The following PLXNB2 variants were observed in gnomAD, a reference collection of about 807,000 sequenced individuals.
The protein encoded by PLXNB2 is plexin B2, also known as plexin-B2.
Under a neutral mutation model 202.6 loss-of-function variants are expected in PLXNB2, and 85 were observed. The ratio of observed to expected loss-of-function variants is 0.42; its 90% CI spans 0.35 to 0.50. The LOEUF is 0.50. Ranked by LOEUF, PLXNB2 falls within the 20% of genes least tolerant of loss-of-function variation. PLXNB2 has a pLI of 0.02. For synonymous variants in PLXNB2, 1,239 were observed against 1,137.6 expected (o/e 1.09, Z -1.79); for missense variants, 2,063 against 2,586.2 (o/e 0.80, Z 4.39).
intron 1 of PLXNB2, 57 bp downstream of exon 1, chr22:50,307,496 A>C: frequency 1.1e-6 from 1 of 891,670 alleles, no homozygotes; most frequent in Non-Finnish European, 1.3e-6. Flanking sequence ...CTGACGGCGA[A>C]GCCCCCCCCA....
At chr22:50,296,191 A>ACT in intron 1 of PLXNB2, among the ~76,000 whole-genome samples, 1 of 66,010 alleles carries the variant, frequency 1.5e-5, no homozygotes, top group East Asian at 4.1e-4. Context: ...TGTCTCAAAA[A>ACT]ATACACACAC....
intron 11 of PLXNB2, among the ~76,000 whole-genome samples, chr22:50,285,127 G>A (rs1367967132): frequency 6.6e-6 from 1 of 152,084 alleles, no homozygotes; most frequent in Non-Finnish European, 1.5e-5. Context: ...GGGCACGGGT[G>A]GAGCTCAGGC....
In PLXNB2 at chr22:50,282,692, G is replaced by T. The variant is rs528477713; in HGVS notation, c.2987+19C>A. 3 of 1,563,128 alleles carry T rather than the reference G, an allele frequency of 1.9e-6. No homozygotes were observed. The highest frequency in any genetic ancestry group is 2.6e-6 in the Non-Finnish European group (3 of 1,144,784). ...CTGGGTGTGGGGAGCAGAGGGGGGC[G>T]GGGGGACACCAGCCTCACCTGGCAA... On this transcript the variant is annotated intron_variant, in intron 18 of 36. Coordinates refer to ENST00000359337, the MANE Select transcript of PLXNB2 (RefSeq NM_012401.4).
chr22:50,305,284 TCTG>T (rs2067844655), intron 1 of PLXNB2, among the ~76,000 whole-genome samples: 1 of 152,140 alleles, frequency 6.6e-6, no homozygotes, highest in Non-Finnish European at 1.5e-5. Flanking sequence ...TCCAATCTCT[TCTG>T]CTCCACTTCC....
chr22:50,295,249 C>T (rs28483439), intron 1 of PLXNB2, among the ~76,000 whole-genome samples: 1 of 148,168 alleles, frequency 6.7e-6, no homozygotes, highest in South Asian at 2.1e-4. Flanking sequence ...TGAACCCGGC[C>T]GATGGAACTT....
chr22:50,279,101 C>T (rs2065813438), intron 27 of PLXNB2, 90 bp from the exon 28 acceptor site: 14 of 1,399,580 alleles, frequency 1.0e-5, no homozygotes, highest in African/African-American at 1.4e-5. Context: ...CAGCTTTGCC[C>T]ACCACAGCGG....
intron 19 of PLXNB2, 30 bp from the exon 20 acceptor site, chr22:50,282,111 G>A (rs553965189): frequency 2.4e-5 from 38 of 1,605,526 alleles, no homozygotes; most frequent in Middle Eastern, 3.3e-4. Flanking sequence ...GTCAGCCCCC[G>A]GGCGCAGACC....
In PLXNB2 at chr22:50,283,682, G is replaced by A. The variant is rs1488537222; in HGVS notation, c.2490C>T (p.Val830=). 1 of 1,613,142 alleles carries A rather than the reference G, an allele frequency of 6.2e-7. No homozygotes were observed. The highest frequency in any genetic ancestry group is 1.7e-4 in the Middle Eastern group (1 of 6,060). ...AGATCCTCTGGATGTCCCCTGCTTG[G>A]ACGCCCAAATTGGACCCCAGGATGG... ...RITILGSNLG[V]QAGDIQRISV... The change falls in exon 15 of 37, where the codon GTC becomes GTT. Residue 830 remains valine (V), a synonymous_variant. Coordinates refer to ENST00000359337, the MANE Select transcript of PLXNB2 (RefSeq NM_012401.4).
intron 1 of PLXNB2, chr22:50,301,276 C>T (rs1377044979): frequency 4.2e-6 from 2 of 474,160 alleles, no homozygotes; most frequent in Non-Finnish European, 5.5e-6. Context: ...CCAACCTGGG[C>T]ACAGCTGCAG....
At position 50,282,734 on chromosome 22, in the gene PLXNB2, G is replaced by A. The variant is rs202117989; in HGVS notation, c.2964C>T (p.Phe988=). 2.3e-4 allele frequency: 364 copies of A among 1,589,774 alleles called. No homozygotes were observed. Among genetic ancestry groups the A allele is most frequent in the South Asian group, 4.0e-4 (35 of 88,362 alleles). ...TYRENPVLRA[F]EPLRSFASGG... The stretch of plus-strand genomic sequence containing the variant: ...ACCTGGCAAAGCTTCGTAGCGGCTC[G>A]AAGGCTCGCAGTACGGGGTTTTCGC... Residue 988 remains phenylalanine, a synonymous_variant, in exon 18 of 37, where the codon TTC becomes TTT. Coordinates refer to ENST00000359337, the MANE Select transcript of PLXNB2 (RefSeq NM_012401.4).
intron 1 of PLXNB2, among the ~76,000 whole-genome samples, chr22:50,303,416 C>T (rs2067779573): frequency 6.6e-6 from 1 of 152,154 alleles, no homozygotes; most frequent in Non-Finnish European, 1.5e-5. Flanking sequence ...GACAGGGGGC[C>T]CAATCTGTCT....
rs779244823 is a variant in PLXNB2, at chr22:50,284,633, G to A, written c.2121C>T (p.Leu707=). ...GSSLHVGSDL[L]KFMEPVTMQE... ...GCATGGTCACCGGCTCCATGAACTT[G>A]AGCAAGTCACTGCCCACGTGCAGGG... Residue 707 remains leucine (L), a synonymous_variant, in exon 12 of 37, where the codon CTC becomes CTT. Transcript: ENST00000359337. The surrounding 1 kb of genome is among the most constrained non-coding windows in gnomAD (Gnocchi z 8.0). 1 of 1,612,402 alleles carries A rather than the reference G, an allele frequency of 6.2e-7. No homozygotes were observed. The highest frequency in any genetic ancestry group is 8.5e-7 in the Non-Finnish European group (1 of 1,179,594).
In PLXNB2 at chr22:50,284,226, C is replaced by G; in HGVS notation, c.2182-13G>C. On this transcript the variant is annotated splice_polypyrimidine_tract_variant and intron_variant, in intron 12 of 36. Transcript: ENST00000359337. The surrounding 1 kb of genome is among the most constrained non-coding windows in gnomAD (Gnocchi z 8.0). ...CATCGTGGGACAGCTGGGGGACACG[C>G]AGGGGCACACTGCACTTCCTGCCCC... 6.2e-7 allele frequency: 1 copy of G among 1,611,338 alleles called. No homozygotes were observed. The highest frequency in any genetic ancestry group is 8.5e-7 in the Non-Finnish European group (1 of 1,178,530).
intron 11 of PLXNB2, among the ~76,000 whole-genome samples, chr22:50,285,113 C>T (rs2066326375): frequency 1.3e-5 from 2 of 152,086 alleles, no homozygotes; most frequent in South Asian, 2.1e-4. Flanking sequence ...GGCCCCGAGT[C>T]GGGGGGCACG....
In PLXNB2 at chr22:50,287,987, C is replaced by T. The variant is rs771903231; in HGVS notation, c.1431G>A (p.Gln477=). 8.2e-6 allele frequency: 13 copies of T among 1,580,354 alleles called. No individual in the cohort carries two copies. The highest frequency in any genetic ancestry group is 1.8e-5 in the Admixed American group (1 of 55,922). The change falls in exon 6 of 37, where the codon CAG becomes CAA. Residue 477 remains glutamine (Q), a synonymous_variant. Coordinates refer to ENST00000359337, the MANE Select transcript of PLXNB2 (RefSeq NM_012401.4). ...AGTAGGGGTCCTGGGAGTCGCGGCA[C>T]TGGGTGCAGGTCGGGTAGCTCAGGC... ...QECLSYPTCT[Q]CRDSQDPYCG...
chr22:50,282,235 G>T lies in PLXNB2; in HGVS notation c.3066C>A (p.Pro1022=), dbSNP rs776072398. Residue 1022 remains proline, a synonymous_variant, in exon 19 of 37, where the codon CCC becomes CCA. Transcript: ENST00000359337. ...QRFAMVVIAE[P]LQSWQPPREA... ...CCCGCGGCGGCTGCCAGGACTGCAG[G>T]GGCTCCGCGATGACCACCATGGCAA... 16 of 1,612,328 alleles carry T rather than the reference G, an allele frequency of 9.9e-6. 1 individual carries two copies. The South Asian group carries it at 1.8e-4, about 18-fold the overall frequency.
In PLXNB2 at chr22:50,287,174, C is replaced by T. The variant is rs1156496011; in HGVS notation, c.1699G>A (p.Val567Met). ...TTGCAGATGACGGCCTCGCCCTCCA[C>T]GCGGGCGGGGTGTGGCGGCGACTCC... ...FGESPPHPAR[V>M]EGEAVICNSP... is the part of the protein sequence containing the mutation. Residue 567 changes from valine (V) to methionine (M), a missense_variant, in exon 8 of 37, where the codon GTG (valine) becomes ATG (methionine). Around this residue, in one of 2 missense-constraint regions of PLXNB2, gnomAD observed 1,303 missense variants for 1,476.8 expected, o/e 0.88. Coordinates refer to ENST00000359337, the MANE Select transcript of PLXNB2 (RefSeq NM_012401.4). 19 of 1,547,688 alleles carry T rather than the reference C, an allele frequency of 1.2e-5. No individual in the cohort carries two copies. The highest frequency in any genetic ancestry group is 2.7e-5 in the African/African-American group (2 of 73,032).
Position 50,286,026 on chromosome 22 carries a change from C to T in PLXNB2, c.1950G>A (p.Ser650=), listed in dbSNP as rs1191705083. 2.5e-6 allele frequency: 4 copies of T among 1,612,274 alleles called. No homozygotes were observed. Among genetic ancestry groups the T allele is most frequent in the Non-Finnish European group, 3.4e-6 (4 of 1,179,980 alleles). The change falls in exon 10 of 37, where the codon TCG becomes TCA. Residue 650 remains serine, a synonymous_variant. Coordinates refer to ENST00000359337, the MANE Select transcript of PLXNB2 (RefSeq NM_012401.4). ...DLRYHECREA[S]PNPEDGIVRA... ...GGACGATGCCGTCCTCAGGGTTGGG[C>T]GAAGCCTCCCGGCACTCGTGGTAGC...
chr22:50,304,853 G>T (rs533903606), intron 1 of PLXNB2, among the ~76,000 whole-genome samples: 9 of 152,314 alleles, frequency 5.9e-5, no homozygotes, highest in Admixed American at 5.9e-4. Flanking sequence ...GGTCAAGGCT[G>T]GGGGGCCACT....
Sources: allele counts gnomAD v4.1 joint callset (sites outside exome capture counted in the v4.1 genomes callset), GRCh38; gene constraint gnomAD v4.1.1; regional missense constraint gnomAD v4.1.1; non-coding constraint Gnocchi (gnomAD v3.1); transcripts MANE v1.5; gene names NCBI Gene and HGNC (gene_info 2026-07-23, HGNC 2026-07-21).